The following P2RY6 variants were observed in gnomAD, a reference collection of about 807,000 sequenced individuals.
P2RY6 encodes the protein P2Y purinoceptor 6.
In P2RY6, 19 loss-of-function variants were observed where a neutral mutation model predicts 16.3. The observed-to-expected ratio is 1.16, with a 90% CI of 0.81 to 1.71. P2RY6 has a LOEUF of 1.71. Ranked by LOEUF, P2RY6 falls within the 40% of genes most tolerant of loss-of-function variation. P2RY6 has a pLI of 0.00. For synonymous variants in P2RY6, 184 were observed against 201.5 expected (o/e 0.91, Z 0.74); for missense variants, 389 against 455.5 (o/e 0.85, Z 1.33).
In P2RY6 at chr11:73,297,794, C is replaced by T. The variant is rs763379177; in HGVS notation, c.*289C>T. On this transcript the variant is annotated 3_prime_UTR_variant, in exon 3 of 3. Coordinates refer to ENST00000540124, the MANE Select transcript of P2RY6 (RefSeq NM_001277204.2). ...AGGTGCTCACAAAAATACAGTGTGA[C>T]GTGTACTGTCATCAAGGGGTATGCT... is the stretch of plus-strand genomic sequence containing the variant. 2.0e-5 allele frequency: 9 copies of T among 450,082 alleles called. No homozygotes were observed. The highest frequency in any genetic ancestry group is 7.8e-5 in the Admixed American group (2 of 25,642). 27.9% of individuals were successfully genotyped at this position (450,082 alleles called of 1,614,324 possible). A position where few individuals can be genotyped will look rare whatever the true frequency, so the allele number is the denominator to read the frequency against.
chr11:73,289,029 C>A (rs919912280), intron 1 of P2RY6, among the ~76,000 whole-genome samples: 1 of 152,214 alleles, frequency 6.6e-6, no homozygotes, highest in Non-Finnish European at 1.5e-5. Flanking sequence ...GACAGTGACT[C>A]AGGCTTCCAG....
chr11:73,273,674 T>C (rs1863413200), intron 1 of P2RY6, among the ~76,000 whole-genome samples: 1 of 152,216 alleles, frequency 6.6e-6, no homozygotes, highest in Admixed American at 6.5e-5. Context: ...TGCCTTATCC[T>C]GTGGCTGTCT....
At chr11:73,268,351 T>C (rs542956805), upstream of P2RY6, among the ~76,000 whole-genome samples, 1 of 152,208 alleles carries the variant, frequency 6.6e-6, no homozygotes, top group South Asian at 2.1e-4. Flanking sequence ...TGGCCAGACA[T>C]GGTGGCTCAC....
At chr11:73,271,274 C>A (rs1027490502), upstream of P2RY6, among the ~76,000 whole-genome samples, 24 of 152,184 alleles carry the variant, frequency 1.6e-4, no homozygotes, top group Admixed American at 3.9e-4. Context: ...AGCCTTTCCC[C>A]CCCGGCATCA....
At chr11:73,277,245 C>G (rs1259981776) in intron 1 of P2RY6, among the ~76,000 whole-genome samples, 1 of 152,022 alleles carries the variant, frequency 6.6e-6, no homozygotes, top group Non-Finnish European at 1.5e-5. Context: ...TCCCAAGTAG[C>G]TGGGATTACA....
At chr11:73,290,281 G>GGAAA (rs138315853) in intron 1 of P2RY6, among the ~76,000 whole-genome samples, 225 of 131,098 alleles carry the variant, frequency 1.7e-3, no homozygotes, top group East Asian at 3.1e-3. Context: ...AAGAAAGGAA[G>GGAAA]GAAAGAAAGA....
At chr11:73,287,416 C>A (rs1042765437) in intron 1 of P2RY6, among the ~76,000 whole-genome samples, 28 of 152,218 alleles carry the variant, frequency 1.8e-4, no homozygotes, top group African/African-American at 6.8e-4. Context: ...GATCACAGAC[C>A]CATCACTCCC....
At chr11:73,290,024 C>T (rs1864136419) in intron 1 of P2RY6, among the ~76,000 whole-genome samples, 1 of 152,044 alleles carries the variant, frequency 6.6e-6, no homozygotes. Flanking sequence ...GAGTTAGAGA[C>T]CAGCCTAACC....
upstream of P2RY6, among the ~76,000 whole-genome samples, chr11:73,270,853 G>A (rs992252797): frequency 1.3e-5 from 2 of 152,130 alleles, no homozygotes; most frequent in African/African-American, 2.4e-5. Context: ...GCTGGGAGAG[G>A]GTGATCTGGC....
chr11:73,264,876 G>A (rs1863051604), intron 1 of P2RY6, among the ~76,000 whole-genome samples: 1 of 152,152 alleles, frequency 6.6e-6, no homozygotes, highest in South Asian at 2.1e-4. Context: ...AAATTACTGT[G>A]AGCAATGGGT....
intron 1 of P2RY6, among the ~76,000 whole-genome samples, chr11:73,275,124 T>G (rs181214722): frequency 2.9e-4 from 44 of 152,338 alleles, no homozygotes; most frequent in African/African-American, 1.0e-3. Context: ...TGCCCAGCCC[T>G]GTGTGGATTC....
chr11:73,297,702 T>C lies in P2RY6; in HGVS notation c.*197T>C, dbSNP rs1864572147. ...GGCCCAGACCCTGTGGGCATGGAGA[T>C]GGACAGACCTGGGCCTGGCTCTTGA... On this transcript the variant is annotated 3_prime_UTR_variant, in exon 3 of 3. Coordinates refer to ENST00000540124, the MANE Select transcript of P2RY6 (RefSeq NM_001277204.2). 6.6e-6 allele frequency: 4 copies of C among 606,128 alleles called. No homozygotes were observed. The East Asian group carries it at 1.1e-4, about 17-fold the overall frequency. The allele number at this position is 606,128 out of a possible 1,614,324, so 37.5% of individuals were successfully genotyped here.
At chr11:73,293,848 G>A (rs2135755334) in intron 1 of P2RY6, among the ~76,000 whole-genome samples, 1 of 152,242 alleles carries the variant, frequency 6.6e-6, no homozygotes, top group Non-Finnish European at 1.5e-5. Flanking sequence ...GCTGTCCCTG[G>A]GGGTGGGATC....
At chr11:73,271,078 C>T (rs538170500), upstream of P2RY6, among the ~76,000 whole-genome samples, 43 of 152,276 alleles carry the variant, frequency 2.8e-4, no homozygotes, top group Admixed American at 2.4e-3. Flanking sequence ...GAACATTACC[C>T]GAACAGAGTA....
chr11:73,269,300 C>T (rs1420214192), upstream of P2RY6, among the ~76,000 whole-genome samples: 5 of 152,140 alleles, frequency 3.3e-5, no homozygotes, highest in African/African-American at 1.2e-4. Context: ...CACTCCTCCC[C>T]TCCCCGTGAG....
chr11:73,296,374 C>A, intron 2 of P2RY6, 111 bp from the exon 3 acceptor site: 1 of 958,840 alleles, frequency 1.0e-6, no homozygotes, highest in Non-Finnish European at 1.6e-6. Flanking sequence ...GCCGAGTTGA[C>A]AAAGTTAGTG....
At chr11:73,283,248 C>G (rs1421629941) in intron 1 of P2RY6, among the ~76,000 whole-genome samples, 1 of 152,094 alleles carries the variant, frequency 6.6e-6, no homozygotes. Flanking sequence ...AGCCCTGTAC[C>G]CCAACCCTCA....
Position 73,296,710 on chromosome 11 carries a change from C to T in P2RY6, c.192C>T (p.Tyr64=), listed in dbSNP as rs764075827. The change falls in exon 3 of 3, where the codon TAC becomes TAT. Residue 64 remains tyrosine, a synonymous_variant. Transcript: ENST00000540124. Reference sequence around the variant, plus strand: ...GGGCCCTGACCCGCACGGCCGTGTACACCCTAAACCTTGCTCTGGCTGACC... The same window carrying T: ...GGGCCCTGACCCGCACGGCCGTGTATACCCTAAACCTTGCTCTGGCTGACC... ...SRRALTRTAV[Y]TLNLALADLL... 5 of 1,613,976 alleles carry T rather than the reference C, an allele frequency of 3.1e-6. No individual in the cohort carries two copies. The Admixed American group carries it at 6.7e-5, about 22-fold the overall frequency.
At chr11:73,265,071 G>A (rs1325720544) in intron 1 of P2RY6, among the ~76,000 whole-genome samples, 10 of 152,252 alleles carry the variant, frequency 6.6e-5, no homozygotes, top group Non-Finnish European at 1.0e-4. Flanking sequence ...GTGGTGCACT[G>A]GGTGTGCGTT....
Sources: allele counts gnomAD v4.1 joint callset (sites outside exome capture counted in the v4.1 genomes callset), GRCh38; gene constraint gnomAD v4.1.1; transcripts MANE v1.5; gene names NCBI Gene and HGNC (gene_info 2026-07-23, HGNC 2026-07-21).